Variants in LAMA1 observed in about 807,000 individuals in gnomAD.
LAMA1 encodes the protein laminin subunit alpha 1, also known as laminin subunit alpha-1.
In LAMA1, 219 loss-of-function variants were observed where a neutral mutation model predicts 348.7. The observed-to-expected ratio is 0.63, with a 90% confidence interval of 0.56 to 0.70. The LOEUF (loss-of-function observed/expected upper bound fraction) is 0.70. Ranked by LOEUF, LAMA1 falls within the 30% of genes least tolerant of loss-of-function variation. The pLI is 0.00. For synonymous variants in LAMA1, 1,487 were observed against 1,491.0 expected, an observed-to-expected ratio of 1.00 and a Z score of 0.06; for missense variants, 3,744 against 3,888.0, an observed-to-expected ratio of 0.96 and a Z score of 0.99.
chr18:6,946,468 C>T (rs2057521946), intron 61 of LAMA1, among the ~76,000 whole-genome samples: 1 of 152,034 alleles, frequency 6.6e-6, no homozygotes, highest in Non-Finnish European at 1.5e-5. Context: ...TGTTTGTAAT[C>T]CCAGCACTTT....
intron 1 of LAMA1, among the ~76,000 whole-genome samples, chr18:7,093,425 C>T (rs920629778): frequency 1.3e-5 from 2 of 152,024 alleles, no homozygotes; most frequent in Non-Finnish European, 2.9e-5. Context: ...AAAAAAAAGG[C>T]ATCAAATGTG....
At chr18:7,102,037 T>A (rs972038) in intron 1 of LAMA1, among the ~76,000 whole-genome samples, 1 of 152,064 alleles carries the variant, frequency 6.6e-6, no homozygotes. Context: ...AATATTATTT[T>A]GGATTTATTT....
chr18:6,974,103 T>C (rs890496022), intron 46 of LAMA1, among the ~76,000 whole-genome samples: 2 of 152,110 alleles, frequency 1.3e-5, no homozygotes, highest in Non-Finnish European at 2.9e-5. Context: ...ACCTAAACTT[T>C]TAGACATTTT....
At chr18:7,052,739 A>G (rs941671594) in intron 3 of LAMA1, among the ~76,000 whole-genome samples, 18 of 148,862 alleles carry the variant, frequency 1.2e-4, no homozygotes, top group South Asian at 8.6e-4. Flanking sequence ...AAATAAATAG[A>G]TAGACTGGGC....
In LAMA1 at chr18:7,003,664, G is replaced by A. The variant is rs139573549; in HGVS notation, c.4261-1279C>T. ...TCATCTCTATTTACTCAGCCACTGG[G>A]CACAAGATTCCATGTCTGATGCAGC... is the stretch of plus-strand genomic sequence containing the variant. On this transcript the variant is annotated intron_variant, in intron 29 of 62. Coordinates refer to ENST00000389658, the MANE Select transcript of LAMA1 (RefSeq NM_005559.4). 3.6e-4 allele frequency among the ~76,000 whole-genome samples: 55 copies of A among 152,236 alleles called. No individual in the cohort carries two copies. In the East Asian group the frequency reaches 0.011, roughly 29 times the overall value.
At chr18:6,983,427 C>A (rs1431693094) in intron 39 of LAMA1, among the ~76,000 whole-genome samples, 193 bp from the exon 40 acceptor site, 1 of 152,172 alleles carries the variant, frequency 6.6e-6, no homozygotes, top group Non-Finnish European at 1.5e-5. Flanking sequence ...GAAGCCGTAG[C>A]CACTTTGTCA....
intron 43 of LAMA1, 95 bp downstream of exon 43, chr18:6,978,101 A>G: frequency 6.6e-7 from 1 of 1,513,598 alleles, no homozygotes; most frequent in Non-Finnish European, 9.2e-7. Flanking sequence ...TCTACTTTTC[A>G]GGAATGTTGT....
At chr18:6,976,726 C>G (rs555556313) in intron 44 of LAMA1, among the ~76,000 whole-genome samples, 1 of 152,152 alleles carries the variant, frequency 6.6e-6, no homozygotes, top group East Asian at 1.9e-4. Flanking sequence ...CCTGCCTCAG[C>G]CTCCTGAGTA....
chr18:6,999,529 G>A lies in LAMA1; in HGVS notation c.4579C>T (p.Gln1527Ter), dbSNP rs746183130. 1.9e-6 allele frequency: 3 copies of A among 1,614,088 alleles called. No individual in the cohort carries two copies. In the South Asian group the frequency reaches 3.3e-5, roughly 18 times the overall value. ...VHGDCDRTSGQCVCRLGASGL... is the reference protein window; with the variant it reads ...VHGDCDRTSG ...GAGGCCCCCAGCCTGCAAACGCACT[G>A]CCCAGATGTGCGGTCACAGTCACCG... Residue 1527 changes from glutamine to a stop codon, truncating the protein, a stop_gained, in exon 32 of 63, where the codon CAG becomes TAG. Coordinates refer to ENST00000389658, the MANE Select transcript of LAMA1 (RefSeq NM_005559.4). LOFTEE classifies it high-confidence loss of function.
chr18:6,987,602 G>A (rs972636366), intron 36 of LAMA1, among the ~76,000 whole-genome samples: 1 of 152,158 alleles, frequency 6.6e-6, no homozygotes, highest in Admixed American at 6.5e-5. Flanking sequence ...CAGTGGTGGA[G>A]TATATCCTAT....
intron 20 of LAMA1, among the ~76,000 whole-genome samples, chr18:7,017,048 G>A (rs2057891666): frequency 6.6e-6 from 1 of 152,146 alleles, no homozygotes; most frequent in African/African-American, 2.4e-5. Context: ...TGTAAAGAAG[G>A]TGCCTGCTTC....
At chr18:7,014,119 A>G (rs1210547050) in intron 22 of LAMA1, 68 bp from the exon 23 acceptor site, 1 of 1,193,870 alleles carries the variant, frequency 8.4e-7, no homozygotes, top group Admixed American at 1.7e-5. Context: ...CACATATTTG[A>G]ATTACAGGAA....
rs2144199093 is a variant in LAMA1 at position 7,049,162 on chromosome 18, C to T, written c.684G>A (p.Leu228=). The change falls in exon 5 of 63, where the codon TTG becomes TTA. Residue 228 remains leucine, a synonymous_variant. Transcript: ENST00000389658. ...FTSARYIRLR[L]QRIRTLNADL... ...CTGCATTGAGCGTTCTAATGCGTTG[C>T]AAGCGAAGGCGAATATATCGTGCAG... The T allele has an allele frequency of 6.2e-7, 1 of 1,614,112 alleles. No individual in the cohort carries two copies. Among genetic ancestry groups the T allele is most frequent in the South Asian group, 1.1e-5 (1 of 91,074 alleles).
intron 57 of LAMA1, among the ~76,000 whole-genome samples, chr18:6,951,811 T>C (rs2057548116): frequency 6.6e-6 from 1 of 151,988 alleles, no homozygotes; most frequent in South Asian, 2.1e-4. Context: ...TGGACTGGAT[T>C]TGGAGAGTGA....
At chr18:6,949,007 A>G in intron 59 of LAMA1, 94 bp downstream of exon 59, 4 of 1,482,146 alleles carry the variant, frequency 2.7e-6, no homozygotes, top group Non-Finnish European at 3.7e-6. Context: ...CAAACAAGGT[A>G]ATTTAAACAT....
chr18:7,042,539 C>A (rs1450078021), intron 8 of LAMA1: 2 of 376,656 alleles, frequency 5.3e-6, no homozygotes, highest in African/African-American at 4.2e-5. Context: ...CACGTTATAA[C>A]CAGGACACCA....
At chr18:6,956,906 T>C in intron 55 of LAMA1, 141 bp from the exon 56 acceptor site, 2 of 883,054 alleles carry the variant, frequency 2.3e-6, no homozygotes, top group Non-Finnish European at 3.6e-6. Flanking sequence ...GTGCCAATCC[T>C]TCACTGTGAC....
chr18:6,941,789 T>C lies in LAMA1; in HGVS notation c.*290A>G, dbSNP rs1476528895. The stretch of plus-strand genomic sequence containing the variant: ...TGATACTTTTTTAAAAAGCTCAAAA[T>C]GAAAAACATAAAATACTATCAAGTA... On this transcript the variant is annotated 3_prime_UTR_variant, in exon 63 of 63. Coordinates refer to ENST00000389658, the MANE Select transcript of LAMA1 (RefSeq NM_005559.4). 1 of 395,518 alleles carries C rather than the reference T, an allele frequency of 2.5e-6. No individual in the cohort carries two copies. Among genetic ancestry groups the C allele is most frequent in the Non-Finnish European group, 4.7e-6 (1 of 211,394 alleles). 24.5% of individuals were successfully genotyped at this position (395,518 alleles called of 1,614,324 possible).
chr18:7,022,227 TAATAAAC>T (rs2057921145), intron 19 of LAMA1, among the ~76,000 whole-genome samples: 1 of 152,100 alleles, frequency 6.6e-6, no homozygotes, highest in Admixed American at 6.6e-5. Flanking sequence ...ACCGGACACT[TAATAAAC>T]AATGAATGAA....
Sources: allele counts gnomAD v4.1 joint callset (sites outside exome capture counted in the v4.1 genomes callset), GRCh38; gene constraint gnomAD v4.1.1; transcripts MANE v1.5; gene names NCBI Gene and HGNC (gene_info 2026-07-23, HGNC 2026-07-21).